The following NHSL2 variants were observed in gnomAD, a reference collection of about 807,000 sequenced individuals.
NHSL2 encodes the protein NHS-like protein 2.
In NHSL2, 27 loss-of-function variants were observed where a neutral mutation model predicts 53.4. The observed-to-expected ratio is 0.51, with a 90% CI of 0.37 to 0.70. The LOEUF is 0.70. Ranked by LOEUF, NHSL2 falls within the 30% of genes least tolerant of loss-of-function variation. NHSL2 has a pLI of 0.00. For missense variants in NHSL2, 892 were observed against 980.1 expected (o/e 0.91, Z 1.20); for synonymous variants, 408 against 404.1 (o/e 1.01, Z -0.12).
chrX:71,979,184 A>T (rs769079976), intron 1 of NHSL2, among the ~76,000 whole-genome samples: 1 of 110,204 alleles, frequency 9.1e-6, no homozygotes, highest in East Asian at 2.8e-4. Context: ...AGTTGGTTCC[A>T]AGTCTTTGCT....
At chrX:72,067,427 A>G (rs1420566349) in intron 1 of NHSL2, among the ~76,000 whole-genome samples, 5 of 111,630 alleles carry the variant, frequency 4.5e-5, no homozygotes, top group South Asian at 3.7e-4. Context: ...CATGCATTCT[A>G]GAATCATCTC....
intron 1 of NHSL2, among the ~76,000 whole-genome samples, chrX:72,039,074 T>TC: frequency 2.8e-5 from 1 of 35,176 alleles, no homozygotes; most frequent in East Asian, 6.1e-4. Flanking sequence ...TTCTTTTCCT[T>TC]TCCTTTCCTT....
intron 1 of NHSL2, among the ~76,000 whole-genome samples, chrX:71,977,650 C>T (rs928181329): frequency 2.7e-5 from 3 of 111,082 alleles, no homozygotes; most frequent in African/African-American, 9.8e-5. Flanking sequence ...CGAGCTCAAG[C>T]GATCCACCCT....
intron 1 of NHSL2, among the ~76,000 whole-genome samples, chrX:72,064,873 G>A (rs777637320): frequency 9.0e-6 from 1 of 111,634 alleles, no homozygotes; most frequent in South Asian, 3.7e-4. Flanking sequence ...AAAGAAAGAA[G>A]CCATTCTTCC....
chrX:72,065,265 G>A (rs2042421653), intron 1 of NHSL2, among the ~76,000 whole-genome samples: 2 of 111,838 alleles, frequency 1.8e-5, no homozygotes, highest in Non-Finnish European at 3.8e-5. Flanking sequence ...CACTAACTGA[G>A]TCATCCTCTG....
chrX:72,084,398 T>C lies in NHSL2; in HGVS notation c.281-47681T>C, dbSNP rs146636725. On this transcript the variant is annotated intron_variant, in intron 1 of 7. Transcript: ENST00000633930. ...TATTGGGGTACTGCTAGGATCAGCA[T>C]CTAGAGTCTAAGGGAAAGATGCAGG... Among the ~76,000 whole-genome samples, 26 of 112,027 alleles carry C rather than the reference T, an allele frequency of 2.3e-4. No homozygotes were observed. The East Asian group carries it at 7.0e-3, about 30-fold the overall frequency.
chrX:71,923,532 G>A (rs1185087718), intron 1 of NHSL2, among the ~76,000 whole-genome samples: 1 of 112,035 alleles, frequency 8.9e-6, no homozygotes, highest in African/African-American at 3.3e-5. Flanking sequence ...GTAGTGCCAG[G>A]TGCCACCAGG....
chrX:72,086,041 C>G (rs2041840388), intron 1 of NHSL2, among the ~76,000 whole-genome samples: 1 of 111,920 alleles, frequency 8.9e-6, no homozygotes. Flanking sequence ...TGCCTGGTCC[C>G]AGAGTTCACC....
At chrX:72,110,617 G>C (rs751937663) in intron 1 of NHSL2, among the ~76,000 whole-genome samples, 1 of 107,791 alleles carries the variant, frequency 9.3e-6, no homozygotes, top group Admixed American at 1.0e-4. Flanking sequence ...CTAGCCTGTG[G>C]TCTCAAGAGG....
chrX:72,010,697 CTTAA>C (rs1462731756), intron 1 of NHSL2, among the ~76,000 whole-genome samples: 1 of 112,128 alleles, frequency 8.9e-6, no homozygotes, highest in East Asian at 2.8e-4. Context: ...TTCTTGTTTT[CTTAA>C]TTAAACTTTT....
chrX:72,129,704 C>A, intron 1 of NHSL2: 1 of 673,293 alleles, frequency 1.5e-6, no homozygotes, highest in Non-Finnish European at 2.2e-6. Flanking sequence ...TGCAGGTCTT[C>A]TTCAGGTTCT....
At chrX:72,087,348 C>T (rs2041857721) in intron 1 of NHSL2, among the ~76,000 whole-genome samples, 1 of 111,693 alleles carries the variant, frequency 9.0e-6, no homozygotes, top group Non-Finnish European at 1.9e-5. Context: ...GTTACCAGGG[C>T]CTAGGAGAGG....
chrX:72,114,413 A>G (rs1173474622), intron 1 of NHSL2, among the ~76,000 whole-genome samples: 1 of 111,765 alleles, frequency 8.9e-6, no homozygotes, highest in African/African-American at 3.3e-5. Flanking sequence ...TGCGCCTCTC[A>G]CACTGCAAAG....
intron 1 of NHSL2, among the ~76,000 whole-genome samples, chrX:72,018,210 A>G (rs73635603): frequency 0.014 from 1,503 of 110,998 alleles, 16 homozygotes; most frequent in African/African-American, 0.046. Flanking sequence ...GGGGGTGAGG[A>G]CCTGGGAGGT....
chrX:71,911,474 C>T, intron 1 of NHSL2, 107 bp downstream of exon 1: 1 of 672,387 alleles, frequency 1.5e-6, no homozygotes. Context: ...CTCTCCGCCC[C>T]TCCCCTCCCC....
intron 1 of NHSL2, among the ~76,000 whole-genome samples, chrX:71,935,263 T>C (rs1400250316): frequency 1.8e-5 from 2 of 112,495 alleles, no homozygotes; most frequent in Non-Finnish European, 3.8e-5. Context: ...AGCCTCATCC[T>C]AGGAAGCAGC....
intron 1 of NHSL2, among the ~76,000 whole-genome samples, chrX:72,050,011 C>T (rs923577242): frequency 1.9e-5 from 2 of 107,005 alleles, no homozygotes; most frequent in African/African-American, 6.9e-5. Flanking sequence ...GGTTATGTTC[C>T]CTTCGATTTC....
intron 1 of NHSL2, among the ~76,000 whole-genome samples, chrX:71,971,216 A>G (rs1228358507): frequency 1.8e-5 from 2 of 111,879 alleles, no homozygotes; most frequent in African/African-American, 6.5e-5. Context: ...TTTATGATAT[A>G]CACCTTAACT....
intron 1 of NHSL2, among the ~76,000 whole-genome samples, chrX:72,008,573 T>C (rs932262771): frequency 8.9e-6 from 1 of 112,037 alleles, no homozygotes; most frequent in Non-Finnish European, 1.9e-5. Flanking sequence ...GAATTGAACC[T>C]TGGCACAGAG....
Sources: allele counts gnomAD v4.1 joint callset (sites outside exome capture counted in the v4.1 genomes callset), GRCh38; gene constraint gnomAD v4.1.1; transcripts MANE v1.5; gene names NCBI Gene and HGNC (gene_info 2026-07-23, HGNC 2026-07-21).